HECW1: variants seen among roughly 807,000 people sequenced by gnomAD.
The protein encoded by HECW1 is E3 ubiquitin-protein ligase HECW1.
HECW1 carries 61 observed loss-of-function variants against 182.3 expected under a neutral mutation model. That is an observed-to-expected ratio of 0.33 (90% confidence interval 0.27 to 0.41). HECW1 has a LOEUF of 0.41. Among genes scored for constraint, HECW1 ranks in the 10% least tolerant of loss-of-function variants. HECW1 has a pLI of 1.00. For missense variants in HECW1, 1,739 were observed against 2,108.9 expected (o/e 0.82, Z 3.44); for synonymous variants, 859 against 832.6 (o/e 1.03, Z -0.55).
intron 2 of HECW1, among the ~76,000 whole-genome samples, chr7:43,129,328 A>G (rs1414262148): frequency 6.6e-6 from 1 of 152,226 alleles, no homozygotes; most frequent in Non-Finnish European, 1.5e-5. Flanking sequence ...GCAGCCATCA[A>G]CACTGAGGCA....
At chr7:43,372,849 C>T (rs927991614) in intron 6 of HECW1, among the ~76,000 whole-genome samples, 1 of 151,996 alleles carries the variant, frequency 6.6e-6, no homozygotes, top group African/African-American at 2.4e-5. Flanking sequence ...AGTGCTAAAA[C>T]GGTTGCCAAA....
At chr7:43,472,665 T>C (rs1240486999) in intron 16 of HECW1, among the ~76,000 whole-genome samples, 1 of 152,074 alleles carries the variant, frequency 6.6e-6, no homozygotes, top group Non-Finnish European at 1.5e-5. Flanking sequence ...GGTGAGCAGA[T>C]TAATTGGGCT....
chr7:43,261,506 G>A (rs180706238), intron 3 of HECW1, among the ~76,000 whole-genome samples: 57 of 152,274 alleles, frequency 3.7e-4, no homozygotes, highest in Non-Finnish European at 6.6e-4. Flanking sequence ...AAACCCTTGG[G>A]GGTTAAATGC....
intron 5 of HECW1, among the ~76,000 whole-genome samples, chr7:43,355,402 A>ATTGT (rs1180247531): frequency 6.6e-6 from 1 of 152,182 alleles, no homozygotes; most frequent in Non-Finnish European, 1.5e-5. Context: ...AGTAATATAA[A>ATTGT]AATATGTAAA....
chr7:43,296,330 C>G (rs1026299725), intron 3 of HECW1, among the ~76,000 whole-genome samples: 1 of 152,106 alleles, frequency 6.6e-6, no homozygotes, highest in African/African-American at 2.4e-5. Flanking sequence ...TTAGCATGGA[C>G]TGGTTTTCCT....
chr7:43,340,350 A>G (rs1203322050), intron 5 of HECW1, among the ~76,000 whole-genome samples: 1 of 150,814 alleles, frequency 6.6e-6, no homozygotes, highest in Non-Finnish European at 1.5e-5. Context: ...CCTCCAGAGT[A>G]GCTGGGATTA....
chr7:43,475,425 A>G (rs2078183576), intron 16 of HECW1, among the ~76,000 whole-genome samples: 1 of 152,254 alleles, frequency 6.6e-6, no homozygotes, highest in Non-Finnish European at 1.5e-5. Context: ...GAAATTGTTG[A>G]AAATACATGT....
intron 6 of HECW1, among the ~76,000 whole-genome samples, chr7:43,386,567 A>G (rs1450022996): frequency 2.6e-5 from 4 of 152,200 alleles, no homozygotes; most frequent in Non-Finnish European, 5.9e-5. Flanking sequence ...CCCTAGATCC[A>G]GCGTGATGCC....
rs193180361 is a variant in HECW1 at position 43,204,500 on chromosome 7, C to A, written c.-31-39375C>A. Among the ~76,000 whole-genome samples, 157 of 152,292 alleles carry A rather than the reference C, an allele frequency of 1.0e-3. 1 individual carries two copies. The highest frequency in any genetic ancestry group is 3.5e-3 in the African/African-American group (147 of 41,564). ...ATTCATTATGTAAATATCTACTGAACACCTTGACTCTGGTGGTGGCCAATT... is the reference window on the plus strand; with the variant it reads ...ATTCATTATGTAAATATCTACTGAAAACCTTGACTCTGGTGGTGGCCAATT... On this transcript the variant is annotated intron_variant, in intron 2 of 29. Coordinates refer to ENST00000395891, the MANE Select transcript of HECW1 (RefSeq NM_015052.5).
intron 2 of HECW1, among the ~76,000 whole-genome samples, chr7:43,145,462 A>G (rs1280514706): frequency 1.3e-5 from 2 of 151,996 alleles, no homozygotes; most frequent in African/African-American, 4.8e-5. Flanking sequence ...CGCCTGGCTA[A>G]TTTTTGTATT....
intron 2 of HECW1, among the ~76,000 whole-genome samples, chr7:43,242,885 CG>C (rs1359660951): frequency 1.3e-5 from 2 of 152,076 alleles, no homozygotes; most frequent in Non-Finnish European, 2.9e-5. Flanking sequence ...TCCACCAGGG[CG>C]TTGGACACAG....
At position 43,469,116 on chromosome 7, in the gene HECW1, C is replaced by A; in HGVS notation, c.3099+11C>A. On this transcript the variant is annotated intron_variant, in intron 16 of 29. Coordinates refer to ENST00000395891, the MANE Select transcript of HECW1 (RefSeq NM_015052.5). Reference sequence around the variant, plus strand: ...GACCAGCAGGGAAAGGTGAGTGTGACCCACGTGCGGGGCTTTCATCAAACA... The same window carrying A: ...GACCAGCAGGGAAAGGTGAGTGTGAACCACGTGCGGGGCTTTCATCAAACA... 2 of 1,612,478 alleles carry A rather than the reference C, an allele frequency of 1.2e-6. No individual in the cohort carries two copies.
intron 2 of HECW1, among the ~76,000 whole-genome samples, chr7:43,228,928 T>A (rs1425556237): frequency 6.6e-6 from 1 of 152,220 alleles, no homozygotes; most frequent in Admixed American, 6.5e-5. Context: ...ACGAGGAATC[T>A]ACCAAATTGG....
intron 19 of HECW1, among the ~76,000 whole-genome samples, chr7:43,496,768 C>T (rs1290097534): frequency 2.6e-5 from 4 of 152,136 alleles, no homozygotes; most frequent in Non-Finnish European, 5.9e-5. Context: ...ACAGCAGTGA[C>T]TTGCGGTGAA....
At chr7:43,524,260 C>T (rs1195944403) in intron 24 of HECW1, among the ~76,000 whole-genome samples, 5 of 152,100 alleles carry the variant, frequency 3.3e-5, no homozygotes, top group African/African-American at 1.2e-4. Flanking sequence ...GCTGTTCATG[C>T]AGTTTTCACA....
intron 5 of HECW1, among the ~76,000 whole-genome samples, chr7:43,334,662 G>A (rs556562473): frequency 6.6e-6 from 1 of 152,310 alleles, no homozygotes; most frequent in South Asian, 2.1e-4. Context: ...AAAAGAAAAA[G>A]GAGAAAGTCA....
chr7:43,270,210 G>A lies in HECW1; in HGVS notation c.27+26278G>A, dbSNP rs968764333. Among the ~76,000 whole-genome samples the A allele has an allele frequency of 9.9e-5, 15 of 152,228 alleles. No homozygotes were observed. In the South Asian group the frequency reaches 1.0e-3, roughly 11 times the overall value. On this transcript the variant is annotated intron_variant, in intron 3 of 29. Transcript: ENST00000395891. ...TTAATAGTCTCTCGTGGTTTCTGCC[G>A]GTCAGTCATTCAGCAGCAGCTTGGC...
chr7:43,119,026 A>G (rs4612244), intron 2 of HECW1: 82,652 of 152,084 alleles, frequency 0.54, 22,933 homozygotes, highest in East Asian at 0.75. Flanking sequence ...TTATTGTGAC[A>G]TATTTGATTT....
intron 2 of HECW1, among the ~76,000 whole-genome samples, chr7:43,120,646 A>G (rs371517177): frequency 2.0e-5 from 3 of 151,738 alleles, no homozygotes; most frequent in African/African-American, 4.8e-5. Context: ...TTATTTATTT[A>G]TTTGTTTTAT....
Sources: allele counts gnomAD v4.1 joint callset (sites outside exome capture counted in the v4.1 genomes callset), GRCh38; gene constraint gnomAD v4.1.1; transcripts MANE v1.5; gene names NCBI Gene and HGNC (gene_info 2026-07-23, HGNC 2026-07-21).